The following CSGALNACT1 variants were observed in gnomAD, a reference collection of about 807,000 sequenced individuals.
The protein encoded by CSGALNACT1 is beta4GalNAcT-1.
CSGALNACT1 carries 52 observed loss-of-function variants against 51.0 expected under a neutral mutation model. The ratio of observed to expected loss-of-function variants is 1.02; its 90% confidence interval spans 0.82 to 1.29. The LOEUF (loss-of-function observed/expected upper bound fraction) is 1.29. CSGALNACT1 is among the 50% of genes most tolerant of loss of function. CSGALNACT1 has a pLI of 0.00. For missense variants in CSGALNACT1, 935 were observed against 679.2 expected (o/e 1.38, Z -4.19); for synonymous variants, 341 against 254.4 (o/e 1.34, Z -3.24).
chr8:19,505,089 C>T (rs574997181), intron 4 of CSGALNACT1, 112 bp downstream of exon 3: 62 of 1,192,266 alleles, frequency 5.2e-5, no homozygotes, highest in South Asian at 6.2e-5. Context: ...TAAAACTTTC[C>T]GCCAGCCATC....
At chr8:19,675,417 A>G (rs567937971) in intron 1 of CSGALNACT1, among the ~76,000 whole-genome samples, 2 of 152,324 alleles carry the variant, frequency 1.3e-5, no homozygotes, top group Admixed American at 6.5e-5. Flanking sequence ...AGGAAAAGGG[A>G]TTCTTATGAA....
At chr8:19,694,525 G>C (rs2061490752) in intron 1 of CSGALNACT1, among the ~76,000 whole-genome samples, 1 of 152,196 alleles carries the variant, frequency 6.6e-6, no homozygotes, top group African/African-American at 2.4e-5. Context: ...CTTAGGATTG[G>C]AGCCAGGACT....
intron 3 of CSGALNACT1, among the ~76,000 whole-genome samples, chr8:19,539,758 A>T (rs900214794): frequency 6.6e-6 from 1 of 152,216 alleles, no homozygotes; most frequent in African/African-American, 2.4e-5. Context: ...AATGTTGGCC[A>T]CATTGACTGT....
At position 19,725,658 on chromosome 8, in the gene CSGALNACT1, C is replaced by T. The variant is rs536872699; in HGVS notation, c.-297+32192G>A. Reference sequence around the variant, plus strand: ...CAGGCTGGTTTCGAACTCCTGACCTCGTGATCCACATGACTCAGCCTCCCA... The same window carrying T: ...CAGGCTGGTTTCGAACTCCTGACCTTGTGATCCACATGACTCAGCCTCCCA... On this transcript the variant is annotated intron_variant, in intron 1 of 1. Coordinates refer to the CSGALNACT1 transcript ENST00000517494. 2.0e-5 allele frequency among the ~76,000 whole-genome samples: 3 copies of T among 151,994 alleles called. No individual in the cohort carries two copies. In the South Asian group the frequency reaches 6.2e-4, roughly 32 times the overall value.
chr8:19,514,691 G>T (rs1051932132), intron 3 of CSGALNACT1, among the ~76,000 whole-genome samples: 2 of 149,526 alleles, frequency 1.3e-5, no homozygotes, highest in Non-Finnish European at 3.0e-5. Context: ...GAATTAGCCT[G>T]GCATGGTGGC....
intron 1 of CSGALNACT1, among the ~76,000 whole-genome samples, chr8:19,709,654 G>A (rs529611375): frequency 1.2e-4 from 19 of 152,334 alleles, no homozygotes; most frequent in African/African-American, 4.6e-4. Flanking sequence ...TGCTTTCCAA[G>A]TGGTGCTTCT....
At chr8:19,683,156 A>T (rs2060753678), upstream of CSGALNACT1, 1 of 182,018 alleles carries the variant, frequency 5.5e-6, no homozygotes, top group Non-Finnish European at 1.2e-5. Flanking sequence ...CTATGGTTCA[A>T]TCTGTGCTAC....
At chr8:19,690,429 A>T (rs894756781) in intron 1 of CSGALNACT1, among the ~76,000 whole-genome samples, 4 of 152,252 alleles carry the variant, frequency 2.6e-5, no homozygotes, top group Non-Finnish European at 5.9e-5. Context: ...GCTAAGAAAA[A>T]AAAATGACAA....
chr8:19,658,236 G>A (rs2058462175), intron 1 of CSGALNACT1, among the ~76,000 whole-genome samples: 1 of 152,026 alleles, frequency 6.6e-6, no homozygotes, highest in Non-Finnish European at 1.5e-5. Flanking sequence ...CAGCCAGGAG[G>A]TAGCTGTCTG....
chr8:19,513,403 T>TC (rs2078821292), intron 3 of CSGALNACT1, among the ~76,000 whole-genome samples: 1 of 29,224 alleles, frequency 3.4e-5, no homozygotes, highest in African/African-American at 1.8e-4. Flanking sequence ...TTCATAGAAT[T>TC]TTCTCTCTCT....
chr8:19,534,334 C>T (rs1190236679), intron 3 of CSGALNACT1, among the ~76,000 whole-genome samples: 1 of 151,920 alleles, frequency 6.6e-6, no homozygotes, highest in Non-Finnish European at 1.5e-5. Flanking sequence ...GCCTTTAGTA[C>T]CAGCTACTCA....
At chr8:19,504,910 A>C (rs369028821) in intron 4 of CSGALNACT1, among the ~76,000 whole-genome samples, 1 of 152,278 alleles carries the variant, frequency 6.6e-6, no homozygotes, top group Middle Eastern at 3.4e-3. Flanking sequence ...TTGGGTTTCA[A>C]AGTTTTATGT....
At chr8:19,722,969 C>A (rs2063206567) in intron 1 of CSGALNACT1, among the ~76,000 whole-genome samples, 1 of 152,224 alleles carries the variant, frequency 6.6e-6, no homozygotes, top group Non-Finnish European at 1.5e-5. Context: ...GCTGTCACTA[C>A]TACCTGCCAC....
rs78627047 is a variant in CSGALNACT1, at chr8:19,404,459, A to G, written c.*1321T>C. 2.9e-3 allele frequency: 1,298 copies of G among 453,522 alleles called. 9 individuals carry two copies. Among genetic ancestry groups the G allele is most frequent in the African/African-American group, 0.024 (1,219 of 50,098 alleles). The allele number at this position is 453,522 out of a possible 1,614,324, so 28.1% of individuals were successfully genotyped here. A position where few individuals can be genotyped will look rare whatever the true frequency, so the allele number is the denominator to read the frequency against. On this transcript the variant is annotated 3_prime_UTR_variant, in exon 10 of 10. Coordinates refer to ENST00000454498, the Ensembl canonical transcript of CSGALNACT1. Reference sequence around the variant, plus strand: ...TTAAAAAATAGTTTGAAATGGTAATAAAATGCAATTTTCAGAAGCATCTTG... The same window carrying G: ...TTAAAAAATAGTTTGAAATGGTAATGAAATGCAATTTTCAGAAGCATCTTG...
chr8:19,540,350 G>C (rs1374010109), intron 3 of CSGALNACT1, among the ~76,000 whole-genome samples: 1 of 152,170 alleles, frequency 6.6e-6, no homozygotes, highest in African/African-American at 2.4e-5. Context: ...AGTGTTACCT[G>C]GGTCGGGATT....
chr8:19,623,403 G>T (rs890831058), intron 1 of CSGALNACT1, among the ~76,000 whole-genome samples: 1 of 152,118 alleles, frequency 6.6e-6, no homozygotes. Context: ...CTATACTTTT[G>T]CTTTTAACCT....
chr8:19,500,723 T>G (rs968805664), intron 4 of CSGALNACT1, among the ~76,000 whole-genome samples: 2 of 152,250 alleles, frequency 1.3e-5, no homozygotes, highest in Admixed American at 1.3e-4. Flanking sequence ...AATGTGTGTT[T>G]ATAGCTATCT....
intron 1 of CSGALNACT1, among the ~76,000 whole-genome samples, chr8:19,610,289 CAAAA>C (rs58262538): frequency 2.0e-3 from 93 of 47,646 alleles, no homozygotes; most frequent in African/African-American, 6.6e-3. Context: ...GACTCCGTCT[CAAAA>C]AAAAAAAAAA....
intron 1 of CSGALNACT1, among the ~76,000 whole-genome samples, chr8:19,640,089 A>G (rs2056563188): frequency 1.3e-5 from 2 of 151,920 alleles, no homozygotes; most frequent in African/African-American, 4.8e-5. Flanking sequence ...GAGACCTTTC[A>G]ATGTTCAATG....
Sources: gnomAD v4.1 joint callset for allele counts (sites outside exome capture counted in the v4.1 genomes callset) on GRCh38, gnomAD v4.1.1 for gene constraint, MANE v1.5 for transcripts, NCBI Gene and HGNC (gene_info 2026-07-23, HGNC 2026-07-21) for gene names.